ANKAR: variants seen among roughly 807,000 people sequenced by gnomAD.
ANKAR encodes ankyrin and armadillo repeat-containing protein.
Under a neutral mutation model 146.2 loss-of-function variants are expected in ANKAR, and 136 were observed. That is an observed-to-expected ratio of 0.93 (90% confidence interval 0.81 to 1.07). ANKAR has a LOEUF of 1.07. Ranked by LOEUF, ANKAR falls within the 50% of genes least tolerant of loss-of-function variation. The pLI, the probability that ANKAR is intolerant of heterozygous loss-of-function variation, is 0.00. For synonymous variants in ANKAR, 500 were observed against 575.8 expected, an observed-to-expected ratio of 0.87 and a Z score of 1.88; for missense variants, 1,567 against 1,679.9, an observed-to-expected ratio of 0.93 and a Z score of 1.18.
downstream of ANKAR, chr2:189,750,610 T>G: frequency 6.3e-7 from 1 of 1,592,870 alleles, no homozygotes; most frequent in Non-Finnish European, 8.6e-7. Flanking sequence ...GGTACTTTTA[T>G]GGAAGCTTCT....
At chr2:189,680,000 T>A (rs2034402335) in intron 2 of ANKAR, among the ~76,000 whole-genome samples, 1 of 152,202 alleles carries the variant, frequency 6.6e-6, no homozygotes, top group African/African-American at 2.4e-5. Context: ...CTTTATCTTT[T>A]GGAATAGTTT....
chr2:189,721,619 A>G (rs2041246136), intron 12 of ANKAR, among the ~76,000 whole-genome samples: 1 of 152,214 alleles, frequency 6.6e-6, no homozygotes, highest in Non-Finnish European at 1.5e-5. Flanking sequence ...ATCAAAAGCC[A>G]TGAGGCAGTT....
intron 12 of ANKAR, among the ~76,000 whole-genome samples, chr2:189,725,309 CACACACAT>C (rs951061669): frequency 7.4e-5 from 11 of 148,494 alleles, no homozygotes; most frequent in East Asian, 1.9e-4. Flanking sequence ...CACACACACA[CACACACAT>C]ATATATGATC....
At chr2:189,737,549 T>C in intron 17 of ANKAR, 134 bp from the exon 18 acceptor site, 1 of 738,520 alleles carries the variant, frequency 1.4e-6, no homozygotes, top group Non-Finnish European at 2.1e-6. Flanking sequence ...ATTATCTCTT[T>C]TCCCTAGTAA....
chr2:189,742,904 TGACACACACACACA>T lies in ANKAR; in HGVS notation c.3811-370_3811-357del, dbSNP rs1449844553. 2.6e-3 allele frequency among the ~76,000 whole-genome samples: 27 copies of T among 10,552 alleles called. 2 individuals are homozygous for T. The highest frequency in any genetic ancestry group is 3.7e-3 in the Non-Finnish European group (19 of 5,116). The allele number at this position is 10,552 out of a possible 152,430, so 6.9% of individuals were successfully genotyped here. ...CACACACACACACACTAGAATTACC[TGACACACACACACA>T]CACACACACACACACACACACACAC... is the stretch of plus-strand genomic sequence containing the variant. On this transcript the variant is annotated intron_variant, in intron 20 of 22. Coordinates refer to ENST00000684021, the MANE Select transcript of ANKAR (RefSeq NM_001378068.1).
chr2:189,679,019 T>C (rs2034217781), intron 2 of ANKAR, among the ~76,000 whole-genome samples: 1 of 152,230 alleles, frequency 6.6e-6, no homozygotes, highest in Non-Finnish European at 1.5e-5. Flanking sequence ...TTTGGCAGTA[T>C]GGTCATTTTC....
At chr2:189,747,827 A>T (rs1429569117), downstream of ANKAR, among the ~76,000 whole-genome samples, 1 of 152,152 alleles carries the variant, frequency 6.6e-6, no homozygotes, top group Non-Finnish European at 1.5e-5. Flanking sequence ...CTGCGGTTAC[A>T]GGCGCCTGCC....
At position 189,752,568 on chromosome 2, in the gene ANKAR, A is replaced by G. The variant is rs148817246; in HGVS notation, c.*584+7780A>G. The G allele has an allele frequency of 3.4e-5, 44 of 1,312,088 alleles. No homozygotes were observed. The African/African-American group carries it at 6.1e-4, about 18-fold the overall frequency. The allele number at this position is 1,312,088 out of a possible 1,614,324, so 81.3% of individuals were successfully genotyped here. A position where few individuals can be genotyped will look rare whatever the true frequency, so the allele number is the denominator to read the frequency against. ...TCCTTCAAGTACCACCAGAATGTCA[A>G]TGAAAACCTCATATATAAAGGCAAA... On this transcript the variant is annotated intron_variant and NMD_transcript_variant, in intron 18 of 18. Coordinates refer to the ANKAR transcript ENST00000441800.
chr2:189,763,047 A>ATT (rs35618522), downstream of ANKAR: 5 of 968,406 alleles, frequency 5.2e-6, no homozygotes, highest in Non-Finnish European at 6.1e-6. Flanking sequence ...TTAAAAAGAA[A>ATT]TTTTTTTTTT....
At chr2:189,737,557 T>G in intron 17 of ANKAR, 126 bp from the exon 18 acceptor site, 1 of 777,074 alleles carries the variant, frequency 1.3e-6, no homozygotes, top group Non-Finnish European at 1.9e-6. Context: ...TTTTCCCTAG[T>G]AATGTCATAT....
At chr2:189,719,913 C>G (rs1212677139) in intron 11 of ANKAR, 100 bp downstream of exon 11, 1 of 1,274,050 alleles carries the variant, frequency 7.8e-7, no homozygotes, top group African/African-American at 1.5e-5. Context: ...TGACAAAACT[C>G]TCAGGGAAGA....
chr2:189,680,931 T>C (rs1343784640), intron 2 of ANKAR, among the ~76,000 whole-genome samples: 1 of 152,226 alleles, frequency 6.6e-6, no homozygotes, highest in Non-Finnish European at 1.5e-5. Flanking sequence ...GCCAAGAGCT[T>C]TGTGAAGATC....
chr2:189,708,304 T>C (rs2039238722), intron 9 of ANKAR, among the ~76,000 whole-genome samples: 2 of 152,248 alleles, frequency 1.3e-5, no homozygotes, highest in African/African-American at 4.8e-5. Context: ...TTCACATAAC[T>C]TCTATTATTA....
chr2:189,749,244 T>TAAAAA (rs397987026), downstream of ANKAR, among the ~76,000 whole-genome samples: 4 of 63,260 alleles, frequency 6.3e-5, no homozygotes, highest in Non-Finnish European at 8.0e-5. Context: ...AGACTCTGTC[T>TAAAAA]AAAAAAAAAA....
chr2:189,750,819 T>C (rs2045055539), downstream of ANKAR, among the ~76,000 whole-genome samples: 1 of 152,182 alleles, frequency 6.6e-6, no homozygotes, highest in Non-Finnish European at 1.5e-5. Context: ...GGACCTCAAG[T>C]CAGGATAATG....
At chr2:189,686,392 A>G (rs1360967892) in intron 2 of ANKAR, among the ~76,000 whole-genome samples, 2 of 152,212 alleles carry the variant, frequency 1.3e-5, no homozygotes, top group African/African-American at 2.4e-5. Context: ...TAAAAAGACT[A>G]TTTGACAAGA....
chr2:189,737,416 GA>G (rs5837160), intron 17 of ANKAR, among the ~76,000 whole-genome samples: 149,408 of 152,246 alleles, frequency 0.98, 73,371 homozygotes, highest in South Asian at 1. Flanking sequence ...ATGAATTTAA[GA>G]GATTGATATG....
intron 12 of ANKAR, among the ~76,000 whole-genome samples, chr2:189,721,882 G>A (rs1009527870): frequency 2.6e-5 from 4 of 152,162 alleles, no homozygotes; most frequent in African/African-American, 7.2e-5. Flanking sequence ...ATGTAGAAGC[G>A]ATCTTTCCTT....
chr2:189,708,381 T>C (rs1317923207), intron 9 of ANKAR, among the ~76,000 whole-genome samples: 1 of 152,240 alleles, frequency 6.6e-6, no homozygotes, highest in Non-Finnish European at 1.5e-5. Flanking sequence ...TTATTATAGA[T>C]ATGTATGTTC....
Sources: gnomAD v4.1 joint callset for allele counts (sites outside exome capture counted in the v4.1 genomes callset) on GRCh38, gnomAD v4.1.1 for gene constraint, MANE v1.5 for transcripts, NCBI Gene and HGNC (gene_info 2026-07-23, HGNC 2026-07-21) for gene names.